The following CD8B2 variants were observed in gnomAD, a reference collection of about 807,000 sequenced individuals.
CD8B2 encodes T-cell surface glycoprotein CD8 beta-2 chain.
A neutral mutation model predicts 23.7 loss-of-function variants in CD8B2; 11 were observed. The observed-to-expected ratio is 0.46, with a 90% CI of 0.29 to 0.77. The LOEUF is 0.77. CD8B2 is among the 30% of genes least tolerant of loss of function. The pLI is 0.09. For missense variants in CD8B2, 197 were observed against 270.5 expected (o/e 0.73, Z 1.91); for synonymous variants, 90 against 109.3 (o/e 0.82, Z 1.10).
At chr2:106,504,424 C>G (rs1451311269) in intron 5 of CD8B2, 99 bp downstream of exon 5, 18 of 1,546,022 alleles carry the variant, frequency 1.2e-5, no homozygotes, top group Non-Finnish European at 1.5e-5. Context: ...CCTCATCTTC[C>G]AAAGATCATA....
intron 5 of CD8B2, among the ~76,000 whole-genome samples, chr2:106,526,012 C>T (rs936057317): frequency 7.2e-5 from 11 of 152,134 alleles, no homozygotes; most frequent in African/African-American, 2.4e-4. Flanking sequence ...GAGGCCAAGG[C>T]GGGAAATTGC....
At position 106,506,511 on chromosome 2, in the gene CD8B2, A is replaced by C. The variant is rs1259690209; in HGVS notation, c.621-417A>C. On this transcript the variant is annotated intron_variant, in intron 5 of 5. Transcript: ENST00000643224. ...GAAAACCACCTCTGGTTTTGCTCTC[A>C]TGATCCAGGCATGGAGAAAATAGCC... 2.0e-5 allele frequency among the ~76,000 whole-genome samples: 3 copies of C among 151,652 alleles called. No homozygotes were observed. In the East Asian group the frequency reaches 5.8e-4, roughly 29 times the overall value.
At chr2:106,500,806 AT>A (rs1212849913) in intron 3 of CD8B2, among the ~76,000 whole-genome samples, 1 of 151,896 alleles carries the variant, frequency 6.6e-6, no homozygotes, top group Non-Finnish European at 1.5e-5. Context: ...GATTTGGGAC[AT>A]TGATAGTGTA....
At chr2:106,498,234 G>A (rs1381740391) in intron 3 of CD8B2, among the ~76,000 whole-genome samples, 7 of 150,670 alleles carry the variant, frequency 4.6e-5, no homozygotes, top group African/African-American at 1.5e-4. Context: ...TGCAACCTCC[G>A]CCTCCCAGGT....
At chr2:106,514,131 A>G (rs1679687041), downstream of CD8B2, among the ~76,000 whole-genome samples, 1 of 135,036 alleles carries the variant, frequency 7.4e-6, no homozygotes. Context: ...TCCTCCATCG[A>G]AAGTCTGCCA....
intron 5 of CD8B2, among the ~76,000 whole-genome samples, chr2:106,538,659 T>C (rs1680128427): frequency 6.6e-6 from 1 of 152,186 alleles, no homozygotes; most frequent in Non-Finnish European, 1.5e-5. Flanking sequence ...GATGTTCACC[T>C]GCATGTCACT....
rs1679542950 is a variant in CD8B2, at chr2:106,507,891, G to A, written c.*951G>A. 1.3e-5 allele frequency: 2 copies of A among 150,774 alleles called. No individual in the cohort carries two copies. The highest frequency in any genetic ancestry group is 1.3e-4 in the Admixed American group (2 of 15,090). The allele number at this position is 150,774 out of a possible 1,614,324, so 9.3% of individuals were successfully genotyped here. ...GGCCCCTCTCCCAGCCCACTCCCAA[G>A]CTGAACTAGCACGTGTTCATTTCTA... On this transcript the variant is annotated 3_prime_UTR_variant, in exon 6 of 6. Coordinates refer to ENST00000643224, the MANE Select transcript of CD8B2 (RefSeq NM_001349727.2).
chr2:106,528,028 G>A (rs774256378), intron 5 of CD8B2, among the ~76,000 whole-genome samples: 13 of 152,172 alleles, frequency 8.5e-5, no homozygotes, highest in African/African-American at 1.2e-4. Context: ...ACCGCTAAAC[G>A]TGGGTACAAG....
rs1354601475 is a variant in CD8B2, at chr2:106,505,943, C to T, written c.621-985C>T. ...GGTCAGGAGTTTGAGACCAGCCTGG[C>T]CAACATGGTGAAACCCCATCTCTAC... is the stretch of plus-strand genomic sequence containing the variant. On this transcript the variant is annotated intron_variant, in intron 5 of 5. Coordinates refer to ENST00000643224, the MANE Select transcript of CD8B2 (RefSeq NM_001349727.2). Among the ~76,000 whole-genome samples, 22 of 152,206 alleles carry T rather than the reference C, an allele frequency of 1.4e-4. 1 individual carries two copies. Among genetic ancestry groups the T allele is most frequent in the Middle Eastern group, 3.4e-3 (1 of 294 alleles).
chr2:106,543,944 T>C, intron 5 of CD8B2: 1 of 398,658 alleles, frequency 2.5e-6, no homozygotes, highest in Non-Finnish European at 4.4e-6. Context: ...CTTTTGCATC[T>C]GATTCGATTG....
rs151277838 is a variant in CD8B2, at chr2:106,519,380, T to G, written c.620+15055T>G. Among the ~76,000 whole-genome samples, 11 of 152,370 alleles carry G rather than the reference T, an allele frequency of 7.2e-5. No homozygotes were observed. The East Asian group carries it at 2.1e-3, about 29-fold the overall frequency. On this transcript the variant is annotated intron_variant, in intron 5 of 5. Transcript: ENST00000416057. Reference sequence around the variant, plus strand: ...GTCTCCAGGGAAGAAACACATCCTTTGACTTCTGAGTCTCAAACATTGGCC... The same window carrying G: ...GTCTCCAGGGAAGAAACACATCCTTGGACTTCTGAGTCTCAAACATTGGCC...
chr2:106,491,267 C>T (rs377276951), intron 2 of CD8B2, 34 bp downstream of exon 2: 9 of 1,467,412 alleles, frequency 6.1e-6, no homozygotes, highest in East Asian at 4.6e-5. Context: ...CAGTGAGCAC[C>T]GACTGTGTGC....
At chr2:106,537,488 A>G (rs1472741515) in intron 5 of CD8B2, among the ~76,000 whole-genome samples, 1 of 152,292 alleles carries the variant, frequency 6.6e-6, no homozygotes, top group East Asian at 1.9e-4. Flanking sequence ...TTTTAAGTAC[A>G]GTATGCACAG....
intron 5 of CD8B2, among the ~76,000 whole-genome samples, chr2:106,520,795 G>A (rs1679812669): frequency 2.0e-5 from 3 of 152,042 alleles, no homozygotes; most frequent in African/African-American, 4.8e-5. Context: ...GCTGGAACCT[G>A]GGAGGTGGAG....
At chr2:106,531,791 C>A (rs570362865) in intron 5 of CD8B2, among the ~76,000 whole-genome samples, 2 of 152,306 alleles carry the variant, frequency 1.3e-5, no homozygotes, top group South Asian at 4.1e-4. Flanking sequence ...CTTCCCCAAC[C>A]TTTTCCTCAA....
At chr2:106,542,551 G>A (rs1680191640) in intron 5 of CD8B2, among the ~76,000 whole-genome samples, 2 of 150,324 alleles carry the variant, frequency 1.3e-5, no homozygotes, top group South Asian at 2.1e-4. Flanking sequence ...ACAAATACAT[G>A]CCTATTAAAG....
chr2:106,515,405 G>A (rs1679714505), downstream of CD8B2, among the ~76,000 whole-genome samples: 1 of 152,206 alleles, frequency 6.6e-6, no homozygotes, highest in Non-Finnish European at 1.5e-5. Context: ...GATGGTGTTT[G>A]GAGGTGGGGT....
At chr2:106,499,646 G>A (rs951587676) in intron 3 of CD8B2, among the ~76,000 whole-genome samples, 4 of 151,930 alleles carry the variant, frequency 2.6e-5, no homozygotes, top group Non-Finnish European at 4.4e-5. Context: ...TTGGGCGACC[G>A]TTACCGTAAT....
intron 5 of CD8B2, among the ~76,000 whole-genome samples, chr2:106,519,612 C>T (rs1301157729): frequency 6.6e-6 from 1 of 152,164 alleles, no homozygotes; most frequent in Non-Finnish European, 1.5e-5. Context: ...AACTTACACC[C>T]CAACGCTGAG....
Sources: gnomAD v4.1 joint callset for allele counts (sites outside exome capture counted in the v4.1 genomes callset) on GRCh38, gnomAD v4.1.1 for gene constraint, MANE v1.5 for transcripts, NCBI Gene and HGNC (gene_info 2026-07-23, HGNC 2026-07-21) for gene names.